BACE2: variants seen among roughly 807,000 people sequenced by gnomAD.
BACE2 encodes the protein beta-secretase 2, also known as 56 kDa aspartic-like protease.
Under a neutral mutation model 46.2 loss-of-function variants are expected in BACE2, and 17 were observed. That is an observed-to-expected ratio of 0.37 (90% CI 0.25 to 0.55). The LOEUF is 0.55. Ranked by LOEUF, BACE2 falls within the 20% of genes least tolerant of loss-of-function variation. BACE2 has a pLI of 0.82. For synonymous variants in BACE2, 277 were observed against 295.9 expected (o/e 0.94, Z 0.66); for missense variants, 595 against 698.1 (o/e 0.85, Z 1.66).
intron 1 of BACE2, among the ~76,000 whole-genome samples, chr21:41,224,501 T>C (rs139977686): frequency 6.6e-6 from 1 of 152,368 alleles, no homozygotes; most frequent in East Asian, 1.9e-4. Context: ...TTTTGATTTC[T>C]TTAGTCTATA....
intron 7 of BACE2, among the ~76,000 whole-genome samples, chr21:41,253,284 A>T (rs112592974): frequency 0.022 from 3,273 of 152,100 alleles, 136 homozygotes; most frequent in African/African-American, 0.074. Flanking sequence ...TACTAAAAAT[A>T]TAAAAATATT....
At chr21:41,222,952 T>TG (rs1334948546) in intron 1 of BACE2, among the ~76,000 whole-genome samples, 1 of 151,488 alleles carries the variant, frequency 6.6e-6, no homozygotes, top group Non-Finnish European at 1.5e-5. Flanking sequence ...AGAGCAGGGG[T>TG]GGGGGCAGCT....
intron 2 of BACE2, among the ~76,000 whole-genome samples, chr21:41,227,860 G>C (rs12627301): frequency 0.11 from 16,352 of 152,184 alleles, 1,039 homozygotes; most frequent in African/African-American, 0.16. Context: ...GATGGCTTAT[G>C]CTGCCCCGTC....
At chr21:41,198,845 C>T (rs559124435) in intron 1 of BACE2, among the ~76,000 whole-genome samples, 4 of 141,510 alleles carry the variant, frequency 2.8e-5, no homozygotes, top group South Asian at 2.2e-4. Flanking sequence ...GATCTCTGTA[C>T]GCTTTTTATT....
At chr21:41,201,862 T>C (rs1204156859) in intron 1 of BACE2, among the ~76,000 whole-genome samples, 1 of 152,228 alleles carries the variant, frequency 6.6e-6, no homozygotes, top group Non-Finnish European at 1.5e-5. Context: ...GTAATCAATA[T>C]TTCCCAAACT....
At chr21:41,182,005 T>A (rs903030107) in intron 1 of BACE2, 3 of 166,980 alleles carry the variant, frequency 1.8e-5, no homozygotes, top group African/African-American at 7.2e-5. Flanking sequence ...TCTGGTTGGG[T>A]CTTAGAGTAG....
chr21:41,256,860 A>G (rs562480415), intron 7 of BACE2, among the ~76,000 whole-genome samples: 1 of 152,312 alleles, frequency 6.6e-6, no homozygotes, highest in Admixed American at 6.5e-5. Flanking sequence ...AATATTTTAC[A>G]GAGTTTGACT....
At chr21:41,261,126 G>A (rs144170772) in intron 8 of BACE2, among the ~76,000 whole-genome samples, 4 of 152,244 alleles carry the variant, frequency 2.6e-5, no homozygotes, top group East Asian at 3.9e-4. Context: ...TGCAGTGAAC[G>A]TCTTTGTGTA....
chr21:41,259,156 T>C (rs947174690), intron 8 of BACE2, among the ~76,000 whole-genome samples: 6 of 152,242 alleles, frequency 3.9e-5, no homozygotes, highest in Non-Finnish European at 8.8e-5. Context: ...AATGGTGTAA[T>C]ATTAGGCGTC....
chr21:41,200,185 A>G (rs1985911874), intron 1 of BACE2, among the ~76,000 whole-genome samples: 1 of 150,164 alleles, frequency 6.7e-6, no homozygotes, highest in African/African-American at 2.5e-5. Flanking sequence ...AACTTCAAGT[A>G]TAATTAAAAA....
At position 41,282,023 on chromosome 21, in the gene BACE2, T is replaced by C. The variant is rs2088553737; in HGVS notation, c.*6399T>C. Reference sequence around the variant, plus strand: ...TAAAAATTCTTAAAGTTTAATATGTTATGTTCAGTCATTGAAAGCGACCAC... The same window carrying C: ...TAAAAATTCTTAAAGTTTAATATGTCATGTTCAGTCATTGAAAGCGACCAC... On this transcript the variant is annotated 3_prime_UTR_variant, in exon 9 of 9. Transcript: ENST00000330333. 6.6e-6 allele frequency: 1 copy of C among 152,246 alleles called. No individual in the cohort carries two copies. The highest frequency in any genetic ancestry group is 2.4e-5 in the African/African-American group (1 of 41,468). The allele number at this position is 152,246 out of a possible 1,614,324, so 9.4% of individuals were successfully genotyped here. A position where few individuals can be genotyped will look rare whatever the true frequency, so the allele number is the denominator to read the frequency against.
At chr21:41,262,273 T>C (rs1034725891) in intron 8 of BACE2, among the ~76,000 whole-genome samples, 4 of 152,202 alleles carry the variant, frequency 2.6e-5, no homozygotes, top group Non-Finnish European at 4.4e-5. Flanking sequence ...GTCTAGAGGC[T>C]TAATTAGACT....
intron 1 of BACE2, chr21:41,184,955 G>A (rs1342316138): frequency 1.8e-5 from 3 of 166,904 alleles, no homozygotes; most frequent in Admixed American, 6.5e-5. Context: ...AGATATATTC[G>A]TCATCTAACT....
chr21:41,179,468 G>C, intron 1 of BACE2: 2 of 1,332,856 alleles, frequency 1.5e-6, no homozygotes, highest in Non-Finnish European at 2.0e-6. Flanking sequence ...TGTCCAGGGT[G>C]CAGAGTGAGG....
intron 1 of BACE2, among the ~76,000 whole-genome samples, chr21:41,215,857 T>A (rs571979030): frequency 6.6e-6 from 1 of 152,180 alleles, no homozygotes; most frequent in African/African-American, 2.4e-5. Context: ...AATGACCTTT[T>A]ATGTAGCTGG....
At chr21:41,227,437 A>G (rs1077117) in intron 2 of BACE2, among the ~76,000 whole-genome samples, 55,216 of 152,164 alleles carry the variant, frequency 0.36, 14,329 homozygotes, top group African/African-American at 0.74. Flanking sequence ...GGAAAGAATA[A>G]CTGAAGTCTT....
At chr21:41,181,357 C>A (rs1307739422) in intron 1 of BACE2, 1 of 167,112 alleles carries the variant, frequency 6.0e-6, no homozygotes, top group African/African-American at 2.4e-5. Context: ...TATTTTCCAC[C>A]TGTTCTCATG....
At chr21:41,197,475 G>A (rs571533051) in intron 1 of BACE2, among the ~76,000 whole-genome samples, 6 of 152,186 alleles carry the variant, frequency 3.9e-5, no homozygotes, top group East Asian at 1.9e-4. Context: ...AGTGAGAAGC[G>A]TAACATCTCC....
chr21:41,196,237 T>G (rs4818221), intron 1 of BACE2, among the ~76,000 whole-genome samples: 151,911 of 151,922 alleles, frequency 1, 75,950 homozygotes, highest in Middle Eastern at 1. Context: ...GGCAGAGGTT[T>G]CAGTGAGCCG....
Sources: gnomAD v4.1 joint callset for allele counts (sites outside exome capture counted in the v4.1 genomes callset) on GRCh38, gnomAD v4.1.1 for gene constraint, MANE v1.5 for transcripts, NCBI Gene and HGNC (gene_info 2026-07-23, HGNC 2026-07-21) for gene names.